Variants in HSP90AA1 observed in about 807,000 individuals in gnomAD.
The protein encoded by HSP90AA1 is heat shock protein 90 alpha family class A member 1, also known as heat shock protein HSP 90-alpha.
Under a neutral mutation model 73.3 loss-of-function variants are expected in HSP90AA1, and 18 were observed. The ratio of observed to expected loss-of-function variants is 0.25; its 90% confidence interval spans 0.17 to 0.36. The LOEUF (loss-of-function observed/expected upper bound fraction) is 0.36. HSP90AA1 is among the 10% of genes least tolerant of loss of function. The pLI is 1.00. For missense variants in HSP90AA1, 704 were observed against 874.2 expected, an observed-to-expected ratio of 0.81 and a Z score of 2.45; for synonymous variants, 477 against 296.9, an observed-to-expected ratio of 1.61 and a Z score of -6.24.
rs1334081452 is a variant in HSP90AA1, at chr14:102,108,371, G to C, written c.156-6286C>G. 2.7e-5 allele frequency among the ~76,000 whole-genome samples: 4 copies of C among 149,592 alleles called. No homozygotes were observed. The Admixed American group carries it at 2.7e-4, about 10-fold the overall frequency. On this transcript the variant is annotated intron_variant, in intron 1 of 11. Transcript: ENST00000334701. Reference sequence around the variant, plus strand: ...TACCTCAAGCTAGGACTACAGCCTTGTGCCATGGTGCCTAGCTTTGAATTC... The same window carrying C: ...TACCTCAAGCTAGGACTACAGCCTTCTGCCATGGTGCCTAGCTTTGAATTC...
chr14:102,104,379 T>C (rs1057444588), intron 1 of HSP90AA1, among the ~76,000 whole-genome samples: 1 of 151,878 alleles, frequency 6.6e-6, no homozygotes, highest in Non-Finnish European at 1.5e-5. Context: ...CCGGCTAATT[T>C]TTTTTGTATT....
At chr14:102,099,512 C>T (rs898585217) in intron 2 of HSP90AA1, among the ~76,000 whole-genome samples, 3 of 151,990 alleles carry the variant, frequency 2.0e-5, no homozygotes, top group African/African-American at 4.8e-5. Context: ...GAGCCGAGAG[C>T]GCACCATTCA....
chr14:102,104,386 T>C (rs933774661), intron 1 of HSP90AA1, among the ~76,000 whole-genome samples: 5 of 152,058 alleles, frequency 3.3e-5, no homozygotes, highest in Admixed American at 6.6e-5. Flanking sequence ...ATTTTTTTTG[T>C]ATTTTTAGTA....
At chr14:102,102,835 A>G (rs1220669825) in intron 1 of HSP90AA1, among the ~76,000 whole-genome samples, 1 of 152,074 alleles carries the variant, frequency 6.6e-6, no homozygotes, top group Non-Finnish European at 1.5e-5. Context: ...TAGGAGTTTG[A>G]GCCTAGCCTG....
In HSP90AA1 at chr14:102,084,740, C is replaced by A; in HGVS notation, c.922G>T (p.Glu308Ter). Residue 308 changes from glutamate to a stop codon, truncating the protein, a stop_gained, in exon 5 of 11, where the codon GAG (glutamate) becomes TAG (stop). Transcript: ENST00000216281. LOFTEE classifies it high-confidence loss of function. ...AAGCTCTTATAGAATTCTCCGTACT[C>A]CTCATTAGTAATATCGTCGGGATTT... ...TRNPDDITNE[E>*]YGEFYKSLTN... 6.2e-7 allele frequency: 1 copy of A among 1,614,108 alleles called. No individual in the cohort carries two copies. Among genetic ancestry groups the A allele is most frequent in the Non-Finnish European group, 8.5e-7 (1 of 1,179,980 alleles).
At chr14:102,087,557 C>T, upstream of HSP90AA1, among the ~76,000 whole-genome samples, 1 of 152,006 alleles carries the variant, frequency 6.6e-6, no homozygotes, top group East Asian at 1.9e-4. Flanking sequence ...ACTTCCGGAG[C>T]CGTCGTCCTG....
intron 1 of HSP90AA1, among the ~76,000 whole-genome samples, chr14:102,126,807 C>T (rs1265271557): frequency 1.3e-5 from 2 of 152,184 alleles, no homozygotes; most frequent in Non-Finnish European, 2.9e-5. Context: ...GGACTACAGG[C>T]GTGAGCCACT....
At chr14:102,100,085 G>A (rs1348617294) in intron 2 of HSP90AA1, among the ~76,000 whole-genome samples, 1 of 152,094 alleles carries the variant, frequency 6.6e-6, no homozygotes, top group Non-Finnish European at 1.5e-5. Context: ...CTAACTGGGA[G>A]GCTGAGCAGG....
intron 2 of HSP90AA1, among the ~76,000 whole-genome samples, chr14:102,095,736 T>C (rs2049415830): frequency 6.6e-6 from 1 of 152,186 alleles, no homozygotes; most frequent in African/African-American, 2.4e-5. Context: ...CCCCACATTC[T>C]GACAGCTGAC....
intron 1 of HSP90AA1, among the ~76,000 whole-genome samples, chr14:102,134,782 T>C: frequency 6.6e-6 from 1 of 152,148 alleles, no homozygotes; most frequent in East Asian, 1.9e-4. Context: ...CAAGATTTAT[T>C]GCAAAGGGAG....
chr14:102,100,691 C>T (rs2049482022), intron 2 of HSP90AA1, among the ~76,000 whole-genome samples: 2 of 152,248 alleles, frequency 1.3e-5, no homozygotes, highest in Non-Finnish European at 2.9e-5. Flanking sequence ...TCCCAAACTG[C>T]TGGGATTACA....
intron 2 of HSP90AA1, among the ~76,000 whole-genome samples, chr14:102,092,226 A>G (rs916142499): frequency 5.3e-5 from 8 of 151,578 alleles, no homozygotes; most frequent in Middle Eastern, 3.4e-3. Context: ...GCGTCACCAC[A>G]CCTGGCTGAC....
In HSP90AA1 at chr14:102,081,663, C is replaced by T. The variant is rs770491788; in HGVS notation, c.*49G>A. 4.8e-6 allele frequency: 4 copies of T among 834,508 alleles called. No individual in the cohort carries two copies. In the Admixed American group the frequency reaches 6.8e-5, roughly 14 times the overall value. 51.7% of individuals were successfully genotyped at this position (834,508 alleles called of 1,614,324 possible). On this transcript the variant is annotated 3_prime_UTR_variant, in exon 11 of 11. Coordinates refer to ENST00000216281, the MANE Select transcript of HSP90AA1 (RefSeq NM_005348.4). ...AAAAACATCCTTGAAAATATATTAT[C>T]AGAGGAATTGTAGAGTACTGAACAG...
At chr14:102,137,718 T>A (rs556648533) in intron 1 of HSP90AA1, among the ~76,000 whole-genome samples, 39 of 152,036 alleles carry the variant, frequency 2.6e-4, no homozygotes, top group African/African-American at 8.9e-4. Flanking sequence ...TAGAGACTAT[T>A]CAAAGGCTAT....
chr14:102,107,327 G>C (rs542732323), intron 1 of HSP90AA1, among the ~76,000 whole-genome samples: 2 of 151,444 alleles, frequency 1.3e-5, no homozygotes, highest in Non-Finnish European at 2.9e-5. Flanking sequence ...CGTTTTTTTT[G>C]GTTTGTTTGT....
chr14:102,081,116 C>T lies in HSP90AA1; in HGVS notation c.*596G>A. 4.4e-6 allele frequency: 1 copy of T among 229,692 alleles called. No homozygotes were observed. The highest frequency in any genetic ancestry group is 2.2e-5 in the African/African-American group (1 of 45,110). The allele number at this position is 229,692 out of a possible 1,614,324, so 14.2% of individuals were successfully genotyped here. ...GACTCGAGCACTACATTTCCATCCA[C>T]AAGACTGGGTCTGAGTTATTTTTGA... On this transcript the variant is annotated 3_prime_UTR_variant, in exon 11 of 11. Coordinates refer to ENST00000216281, the MANE Select transcript of HSP90AA1 (RefSeq NM_005348.4).
chr14:102,101,847 T>C (rs2049496887), intron 2 of HSP90AA1: 1 of 1,565,186 alleles, frequency 6.4e-7, no homozygotes. Flanking sequence ...ATGTTTAGGA[T>C]AGTAATTTTA....
intron 1 of HSP90AA1, among the ~76,000 whole-genome samples, chr14:102,108,336 G>T (rs1427392242): frequency 1.3e-5 from 2 of 149,494 alleles, no homozygotes; most frequent in African/African-American, 4.9e-5. Flanking sequence ...CTGGACTCAA[G>T]CAATCCTCAT....
Position 102,083,138 on chromosome 14 carries a change from G to C in HSP90AA1, c.1651C>G (p.Leu551Val). The change falls in exon 9 of 11, where the codon CTT becomes GTT. Residue 551 changes from leucine (L) to valine (V), a missense_variant. Leu to Val is a conservative substitution (Grantham distance 32, BLOSUM62 1). Coordinates refer to ENST00000216281, the MANE Select transcript of HSP90AA1 (RefSeq NM_005348.4). ...TTTTTCTCTTCTTCATCCTCTGGAA[G>C]TTCCAGGCCTTCTTTGGTGACTGAC... ...LVSVTKEGLE[L>V]PEDEEEKKKQ... is the part of the protein sequence containing the mutation. 1 of 1,613,828 alleles carries C rather than the reference G, an allele frequency of 6.2e-7. No homozygotes were observed. Among genetic ancestry groups the C allele is most frequent in the Non-Finnish European group, 8.5e-7 (1 of 1,179,900 alleles).
Sources: gnomAD v4.1 joint callset for allele counts (sites outside exome capture counted in the v4.1 genomes callset) on GRCh38, gnomAD v4.1.1 for gene constraint, MANE v1.5 for transcripts, NCBI Gene and HGNC (gene_info 2026-07-23, HGNC 2026-07-21) for gene names.